Variants in PRKCH observed in about 807,000 individuals in gnomAD.
The protein encoded by PRKCH is protein kinase C eta.
PRKCH carries 28 observed loss-of-function variants against 82.5 expected under a neutral mutation model. The ratio of observed to expected loss-of-function variants is 0.34; its 90% CI spans 0.25 to 0.47. The LOEUF is 0.47. Among genes scored for constraint, PRKCH ranks in the 20% least tolerant of loss-of-function variants. The pLI is 1.00. For missense variants in PRKCH, 705 were observed against 881.8 expected (o/e 0.80, Z 2.54); for synonymous variants, 322 against 327.4 (o/e 0.98, Z 0.18).
chr14:61,507,121 G>T (rs1887183905), intron 10 of PRKCH, among the ~76,000 whole-genome samples: 1 of 152,096 alleles, frequency 6.6e-6, no homozygotes, highest in South Asian at 2.1e-4. Context: ...TGATTAAAAT[G>T]GACAAAGGAC....
At position 61,313,922 on chromosome 14, in the gene PRKCH, G is replaced by A. The variant is rs561708917; in HGVS notation, c.-19+126254G>A. Among the ~76,000 whole-genome samples, 7 of 152,288 alleles carry A rather than the reference G, an allele frequency of 4.6e-5. No individual in the cohort carries two copies. The East Asian group carries it at 7.7e-4, about 17-fold the overall frequency. ...TGGGGACACAGCCAAACCACATCACGATCCTTCTGTTTTAGCCTCCTGAGT... is the reference window on the plus strand; with the variant it reads ...TGGGGACACAGCCAAACCACATCACAATCCTTCTGTTTTAGCCTCCTGAGT... On this transcript the variant is annotated intron_variant, in intron 1 of 3. Coordinates refer to the PRKCH transcript ENST00000555185.
At chr14:61,539,419 G>A (rs2043153780) in intron 12 of PRKCH, among the ~76,000 whole-genome samples, 1 of 152,186 alleles carries the variant, frequency 6.6e-6, no homozygotes, top group African/African-American at 2.4e-5. Flanking sequence ...GGCATTTAGT[G>A]TACTGAGTTT....
intron 10 of PRKCH, among the ~76,000 whole-genome samples, chr14:61,497,382 C>A (rs8018489): frequency 0.94 from 143,173 of 152,232 alleles, 67,972 homozygotes; most frequent in East Asian, 1. Flanking sequence ...AAGCCTTTAG[C>A]CCAGAGCCTG....
At chr14:61,397,128 G>A (rs1310938697) in intron 2 of PRKCH, among the ~76,000 whole-genome samples, 1 of 152,146 alleles carries the variant, frequency 6.6e-6, no homozygotes, top group East Asian at 1.9e-4. Flanking sequence ...ATTAGGGCCT[G>A]AATTAGGTTG....
chr14:61,249,614 T>A (rs1240764829), intron 1 of PRKCH, among the ~76,000 whole-genome samples: 1 of 151,736 alleles, frequency 6.6e-6, no homozygotes, highest in South Asian at 2.1e-4. Flanking sequence ...AATGGCAAAT[T>A]TTTTTTTATT....
intron 1 of PRKCH, among the ~76,000 whole-genome samples, chr14:61,273,311 C>T (rs1363405738): frequency 6.6e-6 from 1 of 152,204 alleles, no homozygotes; most frequent in East Asian, 1.9e-4. Context: ...ATAAACCAAA[C>T]ACCAGCCAGC....
At chr14:61,351,103 T>C (rs988933767) in intron 1 of PRKCH, among the ~76,000 whole-genome samples, 31 of 152,302 alleles carry the variant, frequency 2.0e-4, no homozygotes, top group African/African-American at 6.3e-4. Context: ...GTAGAACTGA[T>C]TTAGGAAATT....
chr14:61,506,026 T>A (rs1887131272), intron 10 of PRKCH, among the ~76,000 whole-genome samples: 1 of 152,098 alleles, frequency 6.6e-6, no homozygotes, highest in Admixed American at 6.5e-5. Context: ...ATTCACTTTT[T>A]CCAGAGTCCC....
intron 1 of PRKCH, among the ~76,000 whole-genome samples, chr14:61,224,902 C>T (rs1167011199): frequency 6.6e-6 from 1 of 152,222 alleles, no homozygotes; most frequent in Non-Finnish European, 1.5e-5. Context: ...GAGTGCCAAA[C>T]CTATGCTAAG....
chr14:61,457,007 T>C, intron 7 of PRKCH, 169 bp from the exon 8 acceptor site: 1 of 653,548 alleles, frequency 1.5e-6, no homozygotes, highest in Non-Finnish European at 2.6e-6. Flanking sequence ...CAGAAGCTGA[T>C]ACTGAGGGAG....
At chr14:61,536,696 C>A (rs973721154) in intron 12 of PRKCH, among the ~76,000 whole-genome samples, 5 of 152,154 alleles carry the variant, frequency 3.3e-5, no homozygotes, top group Non-Finnish European at 2.9e-5. Context: ...CTTCATCTGG[C>A]GTGATGTCAG....
chr14:61,289,777 G>C (rs1373436669), intron 1 of PRKCH, among the ~76,000 whole-genome samples: 1 of 152,218 alleles, frequency 6.6e-6, no homozygotes, highest in Non-Finnish European at 1.5e-5. Context: ...CACAGCATAA[G>C]AGTGAAGGCA....
At position 61,457,246 on chromosome 14, in the gene PRKCH, T is replaced by G. The variant is rs1299746181; in HGVS notation, c.1031T>G (p.Val344Gly). The change falls in exon 8 of 14, where the codon GTT (valine) becomes GGT (glycine). Residue 344 changes from valine to glycine, a missense_variant. By Grantham distance (109) the Val-to-Gly change is moderately radical (BLOSUM62 -3). Transcript: ENST00000332981. ...AGCAAAGAAGGAAATGGGATTGGGG[T>G]TAATTCTTCCAACCGACTTGGTATC... ...ESSKEGNGIG[V>G]NSSNRLGIDN... The G allele has an allele frequency of 3.1e-6, 5 of 1,613,966 alleles. No individual in the cohort carries two copies. The Admixed American group carries it at 5.0e-5, about 16-fold the overall frequency.
intron 12 of PRKCH, among the ~76,000 whole-genome samples, chr14:61,534,745 T>C (rs533079420): frequency 1.0e-3 from 155 of 152,284 alleles, no homozygotes; most frequent in Non-Finnish European, 1.3e-3. Flanking sequence ...GGACTTTACA[T>C]GTTAGAATGG....
chr14:61,230,028 T>A (rs1285359195), intron 1 of PRKCH, among the ~76,000 whole-genome samples: 1 of 152,198 alleles, frequency 6.6e-6, no homozygotes, highest in African/African-American at 2.4e-5. Context: ...TTTTTTCCCC[T>A]TTTTTCCTTC....
rs755954492 is a variant in PRKCH at position 61,322,272 on chromosome 14, C to T, written c.171C>T (p.Thr57=). Residue 57 remains threonine, a synonymous_variant, in exon 1 of 14, where the codon ACC becomes ACT. Transcript: ENST00000332981. ...VSVDQVRVGQ[T]STKQKTNKPT... is the part of the protein sequence containing the mutation. ...TGGACCAGGTGCGCGTGGGCCAGAC[C>T]AGCACCAAGCAGAAGACCAACAAAC... 1.1e-5 allele frequency: 17 copies of T among 1,613,160 alleles called. No individual in the cohort carries two copies. The South Asian group carries it at 1.9e-4, about 18-fold the overall frequency.
chr14:61,235,700 A>G (rs952087554), intron 1 of PRKCH, among the ~76,000 whole-genome samples: 1 of 152,216 alleles, frequency 6.6e-6, no homozygotes, highest in Non-Finnish European at 1.5e-5. Flanking sequence ...ATAAACTTTT[A>G]TCTTTGTTAA....
intron 12 of PRKCH, chr14:61,543,300 G>A (rs889510467): frequency 6.6e-6 from 1 of 152,198 alleles, no homozygotes; most frequent in African/African-American, 2.4e-5. Context: ...ACTGTTAAGT[G>A]TCTCATTCTC....
chr14:61,352,132 C>A (rs1407924768), intron 1 of PRKCH, among the ~76,000 whole-genome samples: 1 of 152,112 alleles, frequency 6.6e-6, no homozygotes, highest in Non-Finnish European at 1.5e-5. Context: ...AGGAAGTCAT[C>A]CAATGGGATC....
Sources: gnomAD v4.1 joint callset for allele counts (sites outside exome capture counted in the v4.1 genomes callset) on GRCh38, gnomAD v4.1.1 for gene constraint, MANE v1.5 for transcripts, NCBI Gene and HGNC (gene_info 2026-07-23, HGNC 2026-07-21) for gene names.